Variants in KLF17 observed in about 807,000 individuals in gnomAD.
KLF17 encodes the protein Krueppel-like factor 17.
In KLF17, 31 loss-of-function variants were observed where a neutral mutation model predicts 34.2. The observed-to-expected ratio is 0.91, with a 90% CI of 0.68 to 1.22. The LOEUF is 1.22. Among genes scored for constraint, KLF17 ranks in the 50% most tolerant of loss-of-function variants. The pLI is 0.00. For synonymous variants in KLF17, 179 were observed against 186.7 expected (o/e 0.96, Z 0.34); for missense variants, 478 against 505.2 (o/e 0.95, Z 0.52).
In KLF17 at chr1:44,129,411, T is replaced by C. The variant is rs770019075; in HGVS notation, c.140T>C (p.Val47Ala). The change falls in exon 2 of 4, where the codon GTG (valine) becomes GCG (alanine). Residue 47 changes from valine (V) to alanine (A), a missense_variant. Val to Ala is a moderately conservative substitution (Grantham distance 64, BLOSUM62 0). Coordinates refer to ENST00000372299, the MANE Select transcript of KLF17 (RefSeq NM_173484.4). ...NMSSSSGSSG[V>A]HTSWNQGLPS... ...TCTTCATCTTCTGGAAGCTCTGGAG[T>C]GCACACCTCTTGGAACCAAGGCCTA... is the stretch of plus-strand genomic sequence containing the variant. The C allele has an allele frequency of 1.3e-6, 2 of 1,559,310 alleles. No individual in the cohort carries two copies. The highest frequency in any genetic ancestry group is 2.3e-5 in the East Asian group (1 of 44,396).
At chr1:44,127,638 C>CTTTT (rs1557731745) in intron 1 of KLF17, among the ~76,000 whole-genome samples, 876 of 59,078 alleles carry the variant, frequency 0.015, 4 homozygotes, top group Non-Finnish European at 0.018. Flanking sequence ...TCTTTTCTTT[C>CTTTT]CTTCTTTCTT....
chr1:44,087,920 C>G, the KLF17 span: 1 of 187,498 alleles, frequency 5.3e-6, no homozygotes, highest in South Asian at 1.1e-4. Context: ...CATGAGGTCA[C>G]AGAAGCAGGT....
intron 1 of KLF17, among the ~76,000 whole-genome samples, chr1:44,121,261 C>A (rs192807561): frequency 6.6e-6 from 1 of 152,068 alleles, no homozygotes; most frequent in Non-Finnish European, 1.5e-5. Context: ...GGATTACAGG[C>A]GTGTGCCACT....
At chr1:44,074,935 T>A in the KLF17 span, 1 of 152,254 alleles carries the variant, frequency 6.6e-6, no homozygotes, top group Non-Finnish European at 1.5e-5. Flanking sequence ...GACCAGTCAG[T>A]GGACAAGGCT....
the KLF17 span, chr1:44,104,121 G>A: frequency 2.0e-6 from 2 of 1,018,108 alleles, no homozygotes; most frequent in Non-Finnish European, 3.1e-6. Context: ...GATCTCGTCA[G>A]TCAGCCCTTC....
the KLF17 span, among the ~76,000 whole-genome samples, chr1:44,083,944 T>G: frequency 6.6e-6 from 1 of 152,234 alleles, no homozygotes; most frequent in South Asian, 2.1e-4. Context: ...GCTTCTTTCC[T>G]CTGATTAGTC....
At chr1:44,125,183 C>T (rs574029490) in intron 1 of KLF17, among the ~76,000 whole-genome samples, 22 of 152,244 alleles carry the variant, frequency 1.4e-4, no homozygotes, top group African/African-American at 5.3e-4. Flanking sequence ...TTCATTTCAA[C>T]CTTAAGGACT....
At chr1:44,118,587 A>G (rs903113575), upstream of KLF17, among the ~76,000 whole-genome samples, 10 of 152,126 alleles carry the variant, frequency 6.6e-5, no homozygotes, top group African/African-American at 2.4e-4. Context: ...TGGGTGAAAC[A>G]GTTGCTCAGA....
At chr1:44,103,192 G>A in the KLF17 span, 2 of 610,098 alleles carry the variant, frequency 3.3e-6, no homozygotes, top group South Asian at 1.8e-5. Flanking sequence ...CTGAGGGCTA[G>A]GGCTGAGCCT....
intron 1 of KLF17, among the ~76,000 whole-genome samples, chr1:44,128,416 T>C (rs2154311735): frequency 6.6e-6 from 1 of 152,310 alleles, no homozygotes; most frequent in African/African-American, 2.4e-5. Flanking sequence ...CACCAATCTC[T>C]TTCTTACCCT....
the KLF17 span, among the ~76,000 whole-genome samples, chr1:44,098,324 G>A: frequency 3.3e-5 from 5 of 151,676 alleles, no homozygotes; most frequent in African/African-American, 1.2e-4. Context: ...TTTCATCTCT[G>A]ATTTTATTTA....
the KLF17 span, among the ~76,000 whole-genome samples, chr1:44,065,416 T>G: frequency 3.4e-5 from 5 of 146,272 alleles, no homozygotes; most frequent in South Asian, 4.5e-4. Context: ...TTTTTTTTTT[T>G]TTTTTTTTTT....
intron 1 of KLF17, among the ~76,000 whole-genome samples, chr1:44,128,232 C>A (rs2088051969): frequency 6.6e-6 from 1 of 152,090 alleles, no homozygotes. Context: ...CAGGCACACG[C>A]CACCACACCT....
At chr1:44,103,459 C>T in the KLF17 span, 7 of 836,994 alleles carry the variant, frequency 8.4e-6, no homozygotes, top group African/African-American at 8.3e-5. Flanking sequence ...GAGCCCAGAC[C>T]GTAGCTGAGG....
At position 44,129,546 on chromosome 1, in the gene KLF17, C is replaced by T. The variant is rs139530696; in HGVS notation, c.275C>T (p.Pro92Leu). ...VNEGGPQFSMPLPERGMSYCP... is the reference protein window; with the variant it reads ...VNEGGPQFSMLLPERGMSYCP... ...GAAGGGGGGCCACAGTTCAGTATGC[C>T]ACTGCCTGAGCGTGGTATGAGCTAC... Residue 92 changes from proline to leucine, a missense_variant, in exon 2 of 4, where the codon CCA (proline) becomes CTA (leucine). Physicochemically the swap from Pro to Leu is moderately conservative, Grantham distance 98. Coordinates refer to ENST00000372299, the MANE Select transcript of KLF17 (RefSeq NM_173484.4). 6.2e-7 allele frequency: 1 copy of T among 1,613,582 alleles called. No individual in the cohort carries two copies. Among genetic ancestry groups the T allele is most frequent in the African/African-American group, 1.3e-5 (1 of 75,032 alleles).
intron 1 of KLF17, among the ~76,000 whole-genome samples, chr1:44,126,464 C>A (rs1399497125): frequency 6.6e-6 from 1 of 152,228 alleles, no homozygotes; most frequent in African/African-American, 2.4e-5. Context: ...ACTTTCAAAG[C>A]CTTCCTTTGG....
At chr1:44,105,465 G>A in the KLF17 span, 1 of 152,160 alleles carries the variant, frequency 6.6e-6, no homozygotes, top group Non-Finnish European at 1.5e-5. Context: ...GATGGCCAGA[G>A]GAAATGCATC....
intron 1 of KLF17, among the ~76,000 whole-genome samples, chr1:44,124,160 G>C (rs1184938663): frequency 6.6e-6 from 1 of 151,776 alleles, no homozygotes; most frequent in Admixed American, 6.6e-5. Context: ...AATCCATTCT[G>C]CCAAATTGTC....
At chr1:44,102,576 A>G in the KLF17 span, among the ~76,000 whole-genome samples, 2 of 70,316 alleles carry the variant, frequency 2.8e-5, no homozygotes, top group Non-Finnish European at 7.3e-5. Context: ...ACACACACAC[A>G]CACACACACA....
Sources: gnomAD v4.1 joint callset for allele counts (sites outside exome capture counted in the v4.1 genomes callset) on GRCh38, gnomAD v4.1.1 for gene constraint, MANE v1.5 for transcripts, NCBI Gene and HGNC (gene_info 2026-07-23, HGNC 2026-07-21) for gene names.